Variants in ARHGEF7 observed in about 807,000 individuals in gnomAD.
ARHGEF7 encodes PAK-interacting exchange factor beta.
In ARHGEF7, 33 loss-of-function variants were observed where a neutral mutation model predicts 109.8. The observed-to-expected ratio is 0.30, with a 90% CI of 0.23 to 0.40. ARHGEF7 has a LOEUF of 0.40. ARHGEF7 is among the 10% of genes least tolerant of loss of function. The pLI is 1.00. For missense variants in ARHGEF7, 938 were observed against 1,098.5 expected (o/e 0.85, Z 2.07); for synonymous variants, 458 against 424.6 (o/e 1.08, Z -0.97).
chr13:111,149,280 C>G (rs535996860), intron 1 of ARHGEF7, among the ~76,000 whole-genome samples: 2 of 151,418 alleles, frequency 1.3e-5, no homozygotes, highest in Admixed American at 1.3e-4. Flanking sequence ...AAAAGAAATA[C>G]ACTTCCAGAT....
At chr13:111,186,897 C>T (rs2079318488) in intron 2 of ARHGEF7, 1 of 985,396 alleles carries the variant, frequency 1.0e-6, no homozygotes, top group South Asian at 4.7e-5. Context: ...CTACTTCTTT[C>T]CCCATTTCCC....
At chr13:111,132,915 C>CACATACATGT (rs1292714575) in intron 1 of ARHGEF7, among the ~76,000 whole-genome samples, 22 of 151,890 alleles carry the variant, frequency 1.4e-4, no homozygotes, top group Admixed American at 2.6e-4. Context: ...TATACACACA[C>CACATACATGT]ACATACATGT....
intron 2 of ARHGEF7, 117 bp from the exon 3 acceptor site, chr13:111,205,172 T>G: frequency 1.4e-6 from 1 of 699,502 alleles, no homozygotes; most frequent in East Asian, 2.9e-5. Flanking sequence ...CTGTCGCAGG[T>G]TGTGCGGTCT....
rs771770808 is a variant in ARHGEF7, at chr13:111,145,610, C to T, written c.166-8295C>T. Among the ~76,000 whole-genome samples, 2 of 152,152 alleles carry T rather than the reference C, an allele frequency of 1.3e-5. No individual in the cohort carries two copies. Among genetic ancestry groups the T allele is most frequent in the Non-Finnish European group, 2.9e-5 (2 of 68,020 alleles). On this transcript the variant is annotated intron_variant, in intron 1 of 21. Coordinates refer to ENST00000646102, the MANE Select transcript of ARHGEF7 (RefSeq NM_001354046.2). The surrounding 1 kb of genome is among the most constrained non-coding windows in gnomAD (Gnocchi z 4.3). The stretch of plus-strand genomic sequence containing the variant: ...CTGATTTCTGTGCCGTAGGTACTTA[C>T]ACCAGGGCTTTAAAGGCACCAGTGT...
intron 1 of ARHGEF7, among the ~76,000 whole-genome samples, chr13:111,127,089 C>A (rs763744268): frequency 1.3e-5 from 2 of 152,180 alleles, no homozygotes; most frequent in Non-Finnish European, 2.9e-5. Flanking sequence ...GGAATCACCA[C>A]AGATCTTACA....
chr13:111,139,957 C>T (rs1252353482), intron 1 of ARHGEF7, among the ~76,000 whole-genome samples: 1 of 152,244 alleles, frequency 6.6e-6, no homozygotes, highest in Non-Finnish European at 1.5e-5. Flanking sequence ...TTGTCTCTCA[C>T]TTTGTCTACA....
rs922437535 is a variant in ARHGEF7 at position 111,239,367 on chromosome 13, C to T, written c.760-4505C>T. On this transcript the variant is annotated intron_variant, in intron 6 of 21. Coordinates refer to ENST00000646102, the MANE Select transcript of ARHGEF7 (RefSeq NM_001354046.2). The surrounding 1 kb of genome is among the most constrained non-coding windows in gnomAD (Gnocchi z 4.3). Reference sequence around the variant, plus strand: ...CCTTAGATGCCATCACACACATCCACGGGCCTTTCCTGTGCTCCAGAGAAG... The same window carrying T: ...CCTTAGATGCCATCACACACATCCATGGGCCTTTCCTGTGCTCCAGAGAAG... Among the ~76,000 whole-genome samples, 4 of 152,188 alleles carry T rather than the reference C, an allele frequency of 2.6e-5. No individual in the cohort carries two copies. The highest frequency in any genetic ancestry group is 5.9e-5 in the Non-Finnish European group (4 of 68,038).
intron 1 of ARHGEF7, among the ~76,000 whole-genome samples, chr13:111,125,375 C>T (rs1333336348): frequency 8.2e-6 from 1 of 122,232 alleles, no homozygotes; most frequent in Non-Finnish European, 1.7e-5. Flanking sequence ...TATTATTACA[C>T]TTGGAGCAGC....
chr13:111,234,724 C>CT (rs533835709), intron 6 of ARHGEF7, among the ~76,000 whole-genome samples: 12 of 152,316 alleles, frequency 7.9e-5, no homozygotes, highest in African/African-American at 2.9e-4. Context: ...TGCTTCCCCT[C>CT]TTTCTTCCCT....
chr13:111,301,788 A>G (rs926119232), intron 21 of ARHGEF7, among the ~76,000 whole-genome samples: 2 of 152,124 alleles, frequency 1.3e-5, no homozygotes, highest in African/African-American at 2.4e-5. Flanking sequence ...GCTACTTGGG[A>G]GGCTGAGGCA....
In ARHGEF7 at chr13:111,255,871, G is replaced by A. The variant is rs1566976625; in HGVS notation, c.950+11577G>A. Among the ~76,000 whole-genome samples the A allele has an allele frequency of 6.6e-6, 1 of 152,196 alleles. No homozygotes were observed. The highest frequency in any genetic ancestry group is 1.5e-5 in the Non-Finnish European group (1 of 68,034). On this transcript the variant is annotated intron_variant, in intron 8 of 21. Transcript: ENST00000646102. The surrounding 1 kb of genome is among the most constrained non-coding windows in gnomAD (Gnocchi z 4.1). ...TGCGTTTCTCTTGGCTCTGTCGTTTGGGGATGTCTGACAGGCAGTTGACTA... is the reference window on the plus strand; with the variant it reads ...TGCGTTTCTCTTGGCTCTGTCGTTTAGGGATGTCTGACAGGCAGTTGACTA...
chr13:111,281,783 T>G (rs1436211695), intron 15 of ARHGEF7, among the ~76,000 whole-genome samples: 2 of 152,186 alleles, frequency 1.3e-5, no homozygotes, highest in Non-Finnish European at 2.9e-5. Context: ...ACCCTCCGTC[T>G]TAGTGTTTCT....
intron 2 of ARHGEF7, chr13:111,185,229 G>A (rs2079133784): frequency 6.6e-6 from 1 of 152,278 alleles, no homozygotes; most frequent in East Asian, 1.9e-4. Flanking sequence ...TCCTGAGGTG[G>A]GTCACGTGTC....
chr13:111,178,957 C>T lies in ARHGEF7; in HGVS notation c.252+24966C>T, dbSNP rs530106274. On this transcript the variant is annotated intron_variant, in intron 2 of 21. Transcript: ENST00000646102. ...TGCTAGAGAGAGCCACTTAATGTGC[C>T]GTCCCCCCCCTTTTTTTTTGTTTTG... Among the ~76,000 whole-genome samples, 8 of 152,136 alleles carry T rather than the reference C, an allele frequency of 5.3e-5. No homozygotes were observed. The South Asian group carries it at 1.0e-3, about 20-fold the overall frequency.
chr13:111,170,114 T>C (rs1044559014), intron 2 of ARHGEF7, among the ~76,000 whole-genome samples: 1 of 152,214 alleles, frequency 6.6e-6, no homozygotes. Context: ...CTTCTTTTTT[T>C]GTAGACAGAG....
At chr13:111,300,632 T>A (rs2153636153) in intron 19 of ARHGEF7, 116 bp from the exon 20 acceptor site, 1 of 697,774 alleles carries the variant, frequency 1.4e-6, no homozygotes, top group East Asian at 2.9e-5. Context: ...TGAACGTTTT[T>A]AAATGCATAA....
At chr13:111,256,128 A>T (rs1359379558) in intron 8 of ARHGEF7, among the ~76,000 whole-genome samples, 5 of 152,184 alleles carry the variant, frequency 3.3e-5, no homozygotes, top group Non-Finnish European at 7.3e-5. Context: ...TCTTATTCTT[A>T]TCCTACACTA....
At chr13:111,195,761 G>A (rs1273872479) in intron 2 of ARHGEF7, among the ~76,000 whole-genome samples, 1 of 152,184 alleles carries the variant, frequency 6.6e-6, no homozygotes, top group Non-Finnish European at 1.5e-5. Flanking sequence ...CTTTTTTAAA[G>A]TGTCCTTGTA....
At position 111,242,209 on chromosome 13, in the gene ARHGEF7, A is replaced by G. The variant is rs2153542283; in HGVS notation, c.760-1663A>G. On this transcript the variant is annotated intron_variant, in intron 6 of 21. Transcript: ENST00000646102. ...CTGAGTTCCTTGTCACCAGTGGAAG[A>G]GCCTCTGTTTTTTTTCGCCCAAGTA... 3.3e-5 allele frequency among the ~76,000 whole-genome samples: 5 copies of G among 152,226 alleles called. No homozygotes were observed. In the Middle Eastern group the frequency reaches 0.017, roughly 518 times the overall value.
Sources: allele counts gnomAD v4.1 joint callset (sites outside exome capture counted in the v4.1 genomes callset), GRCh38; gene constraint gnomAD v4.1.1; non-coding constraint Gnocchi (gnomAD v3.1); transcripts MANE v1.5; gene names NCBI Gene and HGNC (gene_info 2026-07-23, HGNC 2026-07-21).